CD109: variants seen among roughly 807,000 people sequenced by gnomAD.
The protein encoded by CD109 is CD109 antigen.
In CD109, 149 loss-of-function variants were observed where a neutral mutation model predicts 165.8. The ratio of observed to expected loss-of-function variants is 0.90; its 90% CI spans 0.79 to 1.03. CD109 has a LOEUF of 1.03. CD109 is among the 50% of genes least tolerant of loss of function. The pLI is 0.00. For missense variants in CD109, 1,712 were observed against 1,677.8 expected (o/e 1.02, Z -0.36); for synonymous variants, 585 against 592.1 (o/e 0.99, Z 0.18).
intron 24 of CD109, among the ~76,000 whole-genome samples, chr6:73,806,343 T>C (rs1350212671): frequency 6.9e-6 from 1 of 145,472 alleles, no homozygotes; most frequent in Non-Finnish European, 1.5e-5. Context: ...AGGGGAACAT[T>C]ACACACCGGG....
In CD109 at chr6:73,785,928, T is replaced by C. The variant is rs549882791; in HGVS notation, c.2337+451T>C. Among the ~76,000 whole-genome samples the C allele has an allele frequency of 5.4e-4, 82 of 151,644 alleles. 2 individuals carry two copies. The South Asian group carries it at 0.017, about 31-fold the overall frequency. On this transcript the variant is annotated intron_variant, in intron 20 of 32. Coordinates refer to ENST00000287097, the MANE Select transcript of CD109 (RefSeq NM_133493.5). ...GGCGTGATCTCGGCTCACTGCAACTTCCACCTCACAGGTTCAAGTGATTCT... is the reference window on the plus strand; with the variant it reads ...GGCGTGATCTCGGCTCACTGCAACTCCCACCTCACAGGTTCAAGTGATTCT...
At position 73,762,768 on chromosome 6, in the gene CD109, AATG is replaced by A; in HGVS notation, c.888_890del (p.Asp296del). 6.2e-7 allele frequency: 1 copy of A among 1,606,310 alleles called. No homozygotes were observed. The highest frequency in any genetic ancestry group is 1.1e-5 in the South Asian group (1 of 90,336). ...AAATGGATCTGCAAACTTCTCTTTT[AATG>A]ATGAAGAGATGAAAAATGTAATGGA... On this transcript the variant is annotated inframe_deletion, in exon 9 of 33. Transcript: ENST00000287097.
At chr6:73,725,585 T>G (rs1254804477) in intron 3 of CD109, among the ~76,000 whole-genome samples, 2 of 145,638 alleles carry the variant, frequency 1.4e-5, no homozygotes, top group South Asian at 2.2e-4. Flanking sequence ...CTCGGCTCAC[T>G]GCAACCTCCG....
intron 4 of CD109, among the ~76,000 whole-genome samples, chr6:73,735,587 C>G (rs893984173): frequency 3.9e-5 from 6 of 151,990 alleles, no homozygotes; most frequent in Admixed American, 6.6e-5. Context: ...ATAAATGTTG[C>G]ATGAAGGGAT....
intron 23 of CD109, among the ~76,000 whole-genome samples, chr6:73,794,489 G>T (rs539585265): frequency 6.6e-6 from 1 of 152,288 alleles, no homozygotes; most frequent in Admixed American, 6.5e-5. Context: ...AGAATATGGG[G>T]TGTCAGATTA....
chr6:73,697,512 C>T lies in CD109; in HGVS notation c.187C>T (p.Leu63Phe). 6.2e-7 allele frequency: 1 copy of T among 1,614,074 alleles called. No homozygotes were observed. ...ACAGGTGACTGTGAAGGCGGAGCTG[C>T]TCAAGACAGCATCAAACCTCACTGT... ...PSQVTVKAEL[L>F]KTASNLTVSV... The change falls in exon 2 of 33, where the codon CTC becomes TTC. Residue 63 changes from leucine to phenylalanine, a missense_variant. Leu to Phe is a conservative substitution (Grantham distance 22, BLOSUM62 0). Coordinates refer to ENST00000287097, the MANE Select transcript of CD109 (RefSeq NM_133493.5).
At chr6:73,822,643 G>A (rs1776141142) in intron 32 of CD109, among the ~76,000 whole-genome samples, 1 of 151,986 alleles carries the variant, frequency 6.6e-6, no homozygotes. Context: ...GGGTGCATGG[G>A]GAACATTTTA....
chr6:73,679,570 GA>G, the CD109 span, among the ~76,000 whole-genome samples: 1 of 151,012 alleles, frequency 6.6e-6, no homozygotes, highest in Non-Finnish European at 1.5e-5. Context: ...AAACAAATGA[GA>G]AAAAAATAGA....
At chr6:73,776,210 T>TCACA (rs1774236565) in intron 15 of CD109, among the ~76,000 whole-genome samples, 1 of 152,146 alleles carries the variant, frequency 6.6e-6, no homozygotes, top group Non-Finnish European at 1.5e-5. Flanking sequence ...ATGATAGCTA[T>TCACA]CCATTCTGAC....
At chr6:73,708,914 G>A (rs1371114567) in intron 2 of CD109, among the ~76,000 whole-genome samples, 1 of 152,278 alleles carries the variant, frequency 6.6e-6, no homozygotes, top group Middle Eastern at 3.4e-3. Context: ...TTTGTCAGAT[G>A]AGTAGGTTGC....
chr6:73,713,672 G>A (rs954721603), intron 2 of CD109, among the ~76,000 whole-genome samples: 3 of 152,124 alleles, frequency 2.0e-5, no homozygotes, highest in Non-Finnish European at 2.9e-5. Flanking sequence ...CTTCTCTCTG[G>A]TGAGAGAATT....
Position 73,788,452 on chromosome 6 carries a change from T to A in CD109, c.2557-16T>A, listed in dbSNP as rs896939166. On this transcript the variant is annotated splice_polypyrimidine_tract_variant and intron_variant, in intron 21 of 32. Coordinates refer to ENST00000287097, the MANE Select transcript of CD109 (RefSeq NM_133493.5). ...TGAGTAGAGACCATGTTAATTGTGT[T>A]CATTTTTTTCAACAGGCTGAAGGAA... is the stretch of plus-strand genomic sequence containing the variant. 6.2e-7 allele frequency: 1 copy of A among 1,606,532 alleles called. No individual in the cohort carries two copies. The highest frequency in any genetic ancestry group is 8.5e-7 in the Non-Finnish European group (1 of 1,177,694).
chr6:73,792,517 T>C (rs1381278549), intron 22 of CD109, 109 bp from the exon 23 acceptor site: 1 of 901,246 alleles, frequency 1.1e-6, no homozygotes, highest in African/African-American at 1.7e-5. Flanking sequence ...GGAATAATGA[T>C]ATTGCTTCAA....
chr6:73,763,550 T>C, intron 9 of CD109, 26 bp from the exon 10 acceptor site: 1 of 1,306,810 alleles, frequency 7.7e-7, no homozygotes, highest in Non-Finnish European at 1.1e-6. Flanking sequence ...ACTTTTGCTT[T>C]CTAAATTGTG....
chr6:73,786,329 C>T (rs7769525), intron 20 of CD109, among the ~76,000 whole-genome samples: 58,632 of 151,944 alleles, frequency 0.39, 11,620 homozygotes, highest in African/African-American at 0.47. Context: ...ACGTAATTAA[C>T]TTTATTACAT....
chr6:73,747,350 G>A (rs140778095), intron 5 of CD109, among the ~76,000 whole-genome samples: 4 of 152,144 alleles, frequency 2.6e-5, no homozygotes, highest in Admixed American at 2.6e-4. Flanking sequence ...AAAAAAAAAT[G>A]TCTGATCTCT....
chr6:73,705,352 G>GA (rs1185667871), intron 2 of CD109, among the ~76,000 whole-genome samples: 1 of 151,994 alleles, frequency 6.6e-6, no homozygotes, highest in Non-Finnish European at 1.5e-5. Flanking sequence ...TTAATGAAGG[G>GA]AAAAAGACCA....
chr6:73,723,277 T>A lies in CD109; in HGVS notation c.274T>A (p.Ser92Thr), dbSNP rs1485168636. The change falls in exon 3 of 33, where the codon TCA becomes ACA. Residue 92 changes from serine (S) to threonine (T), a missense_variant and splice_region_variant. Transcript: ENST00000287097. ...CTCTTTTAAGACACTTACTCTTCCA[T>A]CAGTAAGTATCCATTTAAAAAATTT... ...KGSFKTLTLP[S>T]LPLNSADEIY... 4 of 1,609,956 alleles carry A rather than the reference T, an allele frequency of 2.5e-6. No individual in the cohort carries two copies. Among genetic ancestry groups the A allele is most frequent in the Admixed American group, 3.3e-5 (2 of 59,788 alleles).
At position 73,797,153 on chromosome 6, in the gene CD109, C is replaced by A. The variant is rs113823997; in HGVS notation, c.2878+4351C>A. On this transcript the variant is annotated intron_variant, in intron 23 of 32. Coordinates refer to ENST00000287097, the MANE Select transcript of CD109 (RefSeq NM_133493.5). ...TTGTTTTACTTAAATCATGCTTGGC[C>A]CAGGAGTTCTGTAACCTAACCCATT... Among the ~76,000 whole-genome samples the A allele has an allele frequency of 6.6e-3, 1,005 of 152,154 alleles. 7 individuals are homozygous for A. The highest frequency in any genetic ancestry group is 0.022 in the African/African-American group (929 of 41,504).
Sources: gnomAD v4.1 joint callset for allele counts (sites outside exome capture counted in the v4.1 genomes callset) on GRCh38, gnomAD v4.1.1 for gene constraint, MANE v1.5 for transcripts, NCBI Gene and HGNC (gene_info 2026-07-23, HGNC 2026-07-21) for gene names.